Variants in SH3GL2 observed in about 807,000 individuals in gnomAD.
SH3GL2 encodes the protein endophilin-A1.
A neutral mutation model predicts 46.0 loss-of-function variants in SH3GL2; 24 were observed. The observed-to-expected ratio is 0.52, with a 90% CI of 0.38 to 0.73. SH3GL2 has a LOEUF of 0.73. Ranked by LOEUF, SH3GL2 falls within the 30% of genes least tolerant of loss-of-function variation. The pLI, the probability that SH3GL2 is intolerant of heterozygous loss-of-function variation, is 0.00. For missense variants in SH3GL2, 413 were observed against 424.2 expected, an observed-to-expected ratio of 0.97 and a Z score of 0.23; for synonymous variants, 196 against 147.1, an observed-to-expected ratio of 1.33 and a Z score of -2.40.
rs1161983141 is a variant in SH3GL2, at chr9:17,579,105, C to T, written c.-138C>T. On this transcript the variant is annotated 5_prime_UTR_variant, in exon 1 of 9. Transcript: ENST00000380607. ...CCGCAAGAGCCCGTGTCCCGCTAGG[C>T]TCCGCGCCCTCGCGCCCATAGCCCC... is the stretch of plus-strand genomic sequence containing the variant. The T allele has an allele frequency of 1.7e-5, 9 of 522,640 alleles. No homozygotes were observed. The highest frequency in any genetic ancestry group is 3.7e-5 in the East Asian group (1 of 26,902). The allele number at this position is 522,640 out of a possible 1,614,324, so 32.4% of individuals were successfully genotyped here. A position where few individuals can be genotyped will look rare whatever the true frequency, so the allele number is the denominator to read the frequency against.
chr9:17,744,192 G>A (rs1416074653), intron 1 of SH3GL2, among the ~76,000 whole-genome samples: 1 of 152,040 alleles, frequency 6.6e-6, no homozygotes, highest in East Asian at 1.9e-4. Context: ...AGACAAGAGG[G>A]GACTGACATG....
intron 1 of SH3GL2, among the ~76,000 whole-genome samples, chr9:17,741,661 G>T (rs1050270884): frequency 6.6e-6 from 1 of 152,288 alleles, no homozygotes; most frequent in African/African-American, 2.4e-5. Context: ...ATAATTCATT[G>T]AGATATATAT....
At chr9:17,749,846 A>G (rs1041914696) in intron 2 of SH3GL2, among the ~76,000 whole-genome samples, 3 of 152,234 alleles carry the variant, frequency 2.0e-5, no homozygotes, top group Non-Finnish European at 2.9e-5. Flanking sequence ...TATGAAAGTA[A>G]GGTATAAGGA....
chr9:17,749,052 G>C (rs1822771823), intron 2 of SH3GL2, among the ~76,000 whole-genome samples: 1 of 152,202 alleles, frequency 6.6e-6, no homozygotes, highest in African/African-American at 2.4e-5. Context: ...CAGTGGTGAG[G>C]AGATTTTATA....
intron 2 of SH3GL2, among the ~76,000 whole-genome samples, chr9:17,749,206 C>G (rs1160353194): frequency 2.0e-5 from 3 of 152,204 alleles, no homozygotes; most frequent in African/African-American, 7.2e-5. Flanking sequence ...CCACCTGATC[C>G]TCAACCAAAG....
intron 1 of SH3GL2, among the ~76,000 whole-genome samples, chr9:17,687,619 A>G (rs1189076922): frequency 6.6e-6 from 1 of 152,128 alleles, no homozygotes; most frequent in Non-Finnish European, 1.5e-5. Context: ...GTTAAAAACA[A>G]ACTATAACAT....
At chr9:17,735,658 G>GGGGTTCT in intron 1 of SH3GL2, 1 of 345,554 alleles carries the variant, frequency 2.9e-6, no homozygotes, top group Non-Finnish European at 4.1e-6. Context: ...GGTAGACACA[G>GGGGTTCT]GGGTTCTAGG....
At chr9:17,778,141 C>G (rs145074171) in intron 3 of SH3GL2, among the ~76,000 whole-genome samples, 5 of 152,292 alleles carry the variant, frequency 3.3e-5, no homozygotes, top group African/African-American at 1.2e-4. Context: ...AGGCACGGTG[C>G]TGGATACTCT....
chr9:17,664,177 G>A (rs1820289883), intron 1 of SH3GL2, among the ~76,000 whole-genome samples: 1 of 152,180 alleles, frequency 6.6e-6, no homozygotes, highest in African/African-American at 2.4e-5. Context: ...CTATTCAGCT[G>A]TGAGGCTAAA....
Position 17,622,986 on chromosome 9 carries a change from G to GTTCCTTTCCTTTCCTTTCCTTTCCTTTCC in SH3GL2, c.45+43701_45+43702insCCTTTCCTTTCCTTTCCTTTCCTTTCCTT, listed in dbSNP as rs1554631076. On this transcript the variant is annotated intron_variant, in intron 1 of 8. Coordinates refer to ENST00000380607, the MANE Select transcript of SH3GL2 (RefSeq NM_003026.5). ...CTCCCTTTTCCTTTCGTTTCCTTTC[G>GTTCCTTTCCTTTCCTTTCCTTTCCTTTCC]TTTCCTTTCCTTTCCTTTCCTTTCC... Among the ~76,000 whole-genome samples the GTTCCTTTCCTTTCCTTTCCTTTCCTTTCC allele has an allele frequency of 3.0e-5, 3 of 99,352 alleles. 1 individual carries two copies. Among genetic ancestry groups the GTTCCTTTCCTTTCCTTTCCTTTCCTTTCC allele is most frequent in the East Asian group, 5.4e-4 (2 of 3,694 alleles). 65.2% of individuals were successfully genotyped at this position (99,352 alleles called of 152,430 possible).
At chr9:17,732,404 G>C (rs947780938) in intron 1 of SH3GL2, among the ~76,000 whole-genome samples, 1 of 152,090 alleles carries the variant, frequency 6.6e-6, no homozygotes, top group African/African-American at 2.4e-5. Flanking sequence ...TTAGTATAGA[G>C]GTTGGTATAC....
At chr9:17,772,358 ATTATC>A (rs1383370920) in intron 3 of SH3GL2, among the ~76,000 whole-genome samples, 1 of 152,206 alleles carries the variant, frequency 6.6e-6, no homozygotes, top group Non-Finnish European at 1.5e-5. Context: ...ATAACATGAA[ATTATC>A]TTAACTATTT....
At chr9:17,725,398 C>A (rs1422737513) in intron 1 of SH3GL2, among the ~76,000 whole-genome samples, 1 of 152,122 alleles carries the variant, frequency 6.6e-6, no homozygotes, top group South Asian at 2.1e-4. Flanking sequence ...CTTATTGTTA[C>A]TGTTATCATG....
rs552167659 is a variant in SH3GL2 at position 17,735,836 on chromosome 9, A to G, written c.46-11230A>G. ...GGTAGGTGGTGTGGGATTCAGGGAC[A>G]TTACTCTGCGTATATGTTTCATCTA... On this transcript the variant is annotated intron_variant, in intron 1 of 8. Coordinates refer to ENST00000380607, the MANE Select transcript of SH3GL2 (RefSeq NM_003026.5). The G allele has an allele frequency of 6.9e-5, 37 of 532,402 alleles. No individual in the cohort carries two copies. In the Admixed American group the frequency reaches 2.0e-3, roughly 29 times the overall value. 33.0% of individuals were successfully genotyped at this position (532,402 alleles called of 1,614,324 possible).
intron 7 of SH3GL2, 67 bp from the exon 8 acceptor site, chr9:17,793,300 T>C: frequency 1.4e-6 from 2 of 1,402,524 alleles, no homozygotes; most frequent in Non-Finnish European, 2.0e-6. Context: ...TGAATCTTTA[T>C]ATTTGCTTTT....
intron 1 of SH3GL2, among the ~76,000 whole-genome samples, chr9:17,587,321 CA>C (rs1818396865): frequency 6.6e-6 from 1 of 152,172 alleles, no homozygotes; most frequent in South Asian, 2.1e-4. Context: ...TGGCATCCTG[CA>C]GGGGGCATTG....
At chr9:17,613,948 A>G (rs1210966653) in intron 1 of SH3GL2, among the ~76,000 whole-genome samples, 2 of 152,172 alleles carry the variant, frequency 1.3e-5, no homozygotes, top group Non-Finnish European at 2.9e-5. Context: ...AATGACGACA[A>G]TACTGGAGAT....
At chr9:17,687,674 G>T (rs1820957154) in intron 1 of SH3GL2, among the ~76,000 whole-genome samples, 1 of 151,880 alleles carries the variant, frequency 6.6e-6, no homozygotes, top group South Asian at 2.1e-4. Flanking sequence ...GAAAATAATG[G>T]TATTTCTTTG....
chr9:17,745,694 C>A (rs376490980), intron 1 of SH3GL2, among the ~76,000 whole-genome samples: 2 of 152,148 alleles, frequency 1.3e-5, no homozygotes, highest in African/African-American at 4.8e-5. Flanking sequence ...TCAGGTCCCC[C>A]AACAAGGAGA....
Sources: gnomAD v4.1 joint callset for allele counts (sites outside exome capture counted in the v4.1 genomes callset) on GRCh38, gnomAD v4.1.1 for gene constraint, MANE v1.5 for transcripts, NCBI Gene and HGNC (gene_info 2026-07-23, HGNC 2026-07-21) for gene names.